Variants in WWOX observed in about 807,000 individuals in gnomAD.
WWOX encodes the protein WW domain-containing oxidoreductase.
In WWOX, 69 loss-of-function variants were observed where a neutral mutation model predicts 46.2. The ratio of observed to expected loss-of-function variants is 1.49; its 90% CI spans 1.23 to 1.82. The LOEUF is 1.82. Ranked by LOEUF, WWOX falls within the 40% of genes most tolerant of loss-of-function variation. The pLI is 0.00. For synonymous variants in WWOX, 359 were observed against 202.6 expected (o/e 1.77, Z -6.56); for missense variants, 919 against 542.6 (o/e 1.69, Z -6.89).
intron 8 of WWOX, among the ~76,000 whole-genome samples, chr16:78,451,881 G>C (rs985561096): frequency 6.6e-6 from 1 of 152,168 alleles, no homozygotes; most frequent in Admixed American, 6.5e-5. Context: ...AATCCTTGGG[G>C]AGCCGCCATC....
chr16:79,135,729 C>A (rs2049970256), intron 8 of WWOX, among the ~76,000 whole-genome samples: 1 of 152,108 alleles, frequency 6.6e-6, no homozygotes, highest in Admixed American at 6.6e-5. Flanking sequence ...TGGAGTATTA[C>A]CATTTTAAAA....
chr16:78,892,691 T>C (rs774385236), intron 8 of WWOX, among the ~76,000 whole-genome samples: 2 of 152,192 alleles, frequency 1.3e-5, no homozygotes, highest in Non-Finnish European at 2.9e-5. Context: ...TGAGGATCCA[T>C]TGTCTTTTGG....
chr16:78,984,722 C>G (rs8062195), intron 8 of WWOX, among the ~76,000 whole-genome samples: 151,046 of 152,338 alleles, frequency 0.99, 74,897 homozygotes, highest in East Asian at 1. Context: ...TTTTGTAATA[C>G]CGTTTAGTTA....
chr16:78,802,769 A>T (rs575908316), intron 8 of WWOX, among the ~76,000 whole-genome samples: 1 of 151,638 alleles, frequency 6.6e-6, no homozygotes, highest in African/African-American at 2.4e-5. Flanking sequence ...TAGAGAAGTT[A>T]GCCAGGTGTG....
At chr16:79,025,741 T>C (rs979707079) in intron 8 of WWOX, among the ~76,000 whole-genome samples, 1 of 151,794 alleles carries the variant, frequency 6.6e-6, no homozygotes, top group South Asian at 2.1e-4. Flanking sequence ...ATGGCCTTTC[T>C]GATAATCCTT....
chr16:78,926,825 C>G (rs1050785756), intron 8 of WWOX, among the ~76,000 whole-genome samples: 3 of 152,084 alleles, frequency 2.0e-5, no homozygotes, highest in South Asian at 2.1e-4. Flanking sequence ...GAGAAGGGGT[C>G]TCACTCTGTC....
chr16:78,606,923 G>A (rs1049315448), intron 8 of WWOX, among the ~76,000 whole-genome samples: 5 of 152,008 alleles, frequency 3.3e-5, no homozygotes, highest in East Asian at 1.9e-4. Flanking sequence ...TGTCCACAGC[G>A]GTTCACATCG....
chr16:79,031,069 G>C (rs1456427296), intron 8 of WWOX, among the ~76,000 whole-genome samples: 1 of 141,988 alleles, frequency 7.0e-6, no homozygotes, highest in East Asian at 2.1e-4. Flanking sequence ...CTCCAGCCTG[G>C]ACAACAGAGT....
chr16:78,613,937 G>T (rs1255523464), intron 8 of WWOX, among the ~76,000 whole-genome samples: 1 of 152,208 alleles, frequency 6.6e-6, no homozygotes, highest in East Asian at 1.9e-4. Flanking sequence ...CTATACAGCT[G>T]TACCTGTTGG....
At chr16:78,116,992 T>C (rs1013854537) in intron 4 of WWOX, among the ~76,000 whole-genome samples, 19 of 152,192 alleles carry the variant, frequency 1.2e-4, no homozygotes, top group African/African-American at 4.1e-4. Flanking sequence ...CCAGGACTGA[T>C]AGAGTTGGTT....
At chr16:78,633,366 G>A (rs1251063318) in intron 8 of WWOX, among the ~76,000 whole-genome samples, 2 of 152,272 alleles carry the variant, frequency 1.3e-5, no homozygotes, top group East Asian at 1.9e-4. Flanking sequence ...TTTGAACCTA[G>A]GAGCTCTTGG....
chr16:78,830,458 TCTGA>T (rs2051788633), intron 8 of WWOX, among the ~76,000 whole-genome samples: 1 of 152,036 alleles, frequency 6.6e-6, no homozygotes, highest in Non-Finnish European at 1.5e-5. Context: ...GTAGTACCTA[TCTGA>T]CTATTTTCTT....
chr16:78,179,600 A>G (rs1342914747), intron 5 of WWOX: 2 of 152,250 alleles, frequency 1.3e-5, no homozygotes, highest in Non-Finnish European at 2.9e-5. Context: ...TAATAATAAC[A>G]GTAGTAGCTA....
rs116527770 is a variant in WWOX, at chr16:78,610,798, G to T, written c.1056+178046G>T. On this transcript the variant is annotated intron_variant, in intron 8 of 8. Coordinates refer to ENST00000566780, the MANE Select transcript of WWOX (RefSeq NM_016373.4). ...ATAAAATCTGGAGGTTTGGAATGCA[G>T]CAAACTCTGGGGGCATTATCATTAT... Among the ~76,000 whole-genome samples the T allele has an allele frequency of 7.5e-3, 1,143 of 152,196 alleles. 21 individuals carry two copies. Among genetic ancestry groups the T allele is most frequent in the African/African-American group, 0.027 (1,104 of 41,512 alleles).
intron 5 of WWOX, among the ~76,000 whole-genome samples, chr16:78,323,680 C>T (rs1300993409): frequency 6.6e-6 from 1 of 152,138 alleles, no homozygotes; most frequent in African/African-American, 2.4e-5. Flanking sequence ...AGGGTGGATT[C>T]CCCATCTCCT....
At chr16:79,016,269 T>G (rs2047410564) in intron 8 of WWOX, 1 of 152,220 alleles carries the variant, frequency 6.6e-6, no homozygotes, top group South Asian at 2.1e-4. Context: ...TCCTTTGGAA[T>G]GAAACTGCTG....
At chr16:78,903,924 TAAGTC>T (rs1271708095) in intron 8 of WWOX, among the ~76,000 whole-genome samples, 2 of 152,172 alleles carry the variant, frequency 1.3e-5, no homozygotes, top group Admixed American at 6.5e-5. Context: ...ACAGAGTGGA[TAAGTC>T]ATTTTCTCCG....
chr16:78,765,873 A>G (rs1483318305), intron 8 of WWOX, among the ~76,000 whole-genome samples: 1 of 152,216 alleles, frequency 6.6e-6, no homozygotes, highest in Non-Finnish European at 1.5e-5. Flanking sequence ...AGTGGGTGGC[A>G]CAGGCATTGC....
chr16:78,610,744 G>A (rs909223478), intron 8 of WWOX, among the ~76,000 whole-genome samples: 16 of 152,114 alleles, frequency 1.1e-4, no homozygotes, highest in African/African-American at 3.1e-4. Context: ...TAATCAAACC[G>A]TCGGGGCTAA....
Sources: gnomAD v4.1 joint callset for allele counts (sites outside exome capture counted in the v4.1 genomes callset) on GRCh38, gnomAD v4.1.1 for gene constraint, MANE v1.5 for transcripts, NCBI Gene and HGNC (gene_info 2026-07-23, HGNC 2026-07-21) for gene names.